NAV1: variants seen among roughly 807,000 people sequenced by gnomAD.
NAV1 encodes pore membrane and/or filament interacting like protein 3.
A neutral mutation model predicts 175.2 loss-of-function variants in NAV1; 18 were observed. The ratio of observed to expected loss-of-function variants is 0.10; its 90% CI spans 0.07 to 0.15. NAV1 has a LOEUF of 0.15. NAV1 is among the 10% of genes least tolerant of loss of function. NAV1 has a pLI of 1.00. For synonymous variants in NAV1, 897 were observed against 978.7 expected (o/e 0.92, Z 1.56); for missense variants, 1,731 against 2,436.6 (o/e 0.71, Z 6.10).
At chr1:201,634,639 A>G (rs1390966594) in intron 2 of NAV1, among the ~76,000 whole-genome samples, 1 of 152,198 alleles carries the variant, frequency 6.6e-6, no homozygotes, top group Non-Finnish European at 1.5e-5. Flanking sequence ...AGAGGAGTAC[A>G]GGAGGAGGGA....
chr1:201,606,268 G>A (rs648553), intron 2 of NAV1, among the ~76,000 whole-genome samples: 16,166 of 152,244 alleles, frequency 0.11, 946 homozygotes, highest in East Asian at 0.14. Context: ...TGCACATTGC[G>A]AAACCTCCTC....
At chr1:201,624,857 A>C (rs1368777297) in intron 1 of NAV1, among the ~76,000 whole-genome samples, 1 of 152,200 alleles carries the variant, frequency 6.6e-6, no homozygotes, top group Non-Finnish European at 1.5e-5. Context: ...AAGCTTGTAC[A>C]TCATCCCTTA....
chr1:201,641,285 C>T (rs1196373516), intron 2 of NAV1, among the ~76,000 whole-genome samples: 2 of 152,192 alleles, frequency 1.3e-5, no homozygotes, highest in Non-Finnish European at 2.9e-5. Flanking sequence ...CCACAGTCAC[C>T]GCCCAGTTCC....
rs191328308 is a variant in NAV1, at chr1:201,660,988, G to T, written c.757+11563G>T. ...AACCAATATGGCCTTATTGGTGCAT[G>T]CTTGTTGACTTGTTGACACTGTTAT... On this transcript the variant is annotated intron_variant, in intron 1 of 29. Coordinates refer to ENST00000367296, the Ensembl canonical transcript of NAV1. Among the ~76,000 whole-genome samples the T allele has an allele frequency of 6.0e-4, 92 of 152,304 alleles. 1 individual carries two copies. Among genetic ancestry groups the T allele is most frequent in the Non-Finnish European group, 1.1e-3 (76 of 68,012 alleles).
chr1:201,613,313 CA>C (rs1478075602), intron 2 of NAV1, among the ~76,000 whole-genome samples: 1 of 152,156 alleles, frequency 6.6e-6, no homozygotes, highest in African/African-American at 2.4e-5. Flanking sequence ...CCCCCGCCAC[CA>C]ACCCCATATA....
At chr1:201,629,349 G>C (rs568779250) in intron 1 of NAV1, 55 bp from the exon 4 acceptor site, 21 of 1,213,436 alleles carry the variant, frequency 1.7e-5, no homozygotes, top group Non-Finnish European at 2.1e-5. Flanking sequence ...CCATGGAGGG[G>C]CTTAGAGACC....
intron 1 of NAV1, among the ~76,000 whole-genome samples, chr1:201,699,113 T>C (rs1454439780): frequency 2.0e-5 from 3 of 152,174 alleles, no homozygotes; most frequent in African/African-American, 7.2e-5. Context: ...GAGAAATAAA[T>C]AAAGGGTATT....
intron 1 of NAV1, among the ~76,000 whole-genome samples, chr1:201,654,869 C>A (rs1669339022): frequency 6.6e-6 from 1 of 152,128 alleles, no homozygotes. Context: ...GGAAAGCACT[C>A]ATTATTAGAT....
chr1:201,704,258 C>G (rs1043930469), intron 1 of NAV1, among the ~76,000 whole-genome samples: 9 of 152,206 alleles, frequency 5.9e-5, no homozygotes, highest in African/African-American at 1.9e-4. Context: ...AGGAGCTGTG[C>G]TAAGCAGGAG....
chr1:201,670,578 G>T (rs1670002702), intron 1 of NAV1, among the ~76,000 whole-genome samples: 2 of 150,820 alleles, frequency 1.3e-5, no homozygotes, highest in East Asian at 3.9e-4. Context: ...GATGGTGATG[G>T]TTTGATGATA....
intron 3 of NAV1, among the ~76,000 whole-genome samples, chr1:201,755,305 G>A (rs769796040): frequency 1.3e-5 from 2 of 152,192 alleles, no homozygotes; most frequent in Non-Finnish European, 2.9e-5. Context: ...GCCAGGCATG[G>A]TGGCACAGGC....
intron 3 of NAV1, among the ~76,000 whole-genome samples, chr1:201,738,982 G>A (rs1463686323): frequency 6.6e-6 from 1 of 152,200 alleles, no homozygotes; most frequent in Non-Finnish European, 1.5e-5. Context: ...GGAAGCAAGG[G>A]TGAGGGCAGC....
intron 2 of NAV1, 56 bp downstream of exon 6, chr1:201,712,975 A>C: frequency 2.9e-6 from 4 of 1,375,106 alleles, no homozygotes; most frequent in Non-Finnish European, 4.2e-6. Flanking sequence ...TCTCCACCCC[A>C]TTCTGGAGGG....
At chr1:201,809,303 A>T (rs746481444) in intron 21 of NAV1, 42 bp downstream of exon 25, 4 of 1,604,724 alleles carry the variant, frequency 2.5e-6, no homozygotes, top group South Asian at 1.1e-5. Context: ...ATGAACAAAT[A>T]CTGTTACATT....
At chr1:201,598,908 G>A (rs115951481) in intron 2 of NAV1, among the ~76,000 whole-genome samples, 1,928 of 152,260 alleles carry the variant, frequency 0.013, 39 homozygotes, top group African/African-American at 0.044. Flanking sequence ...GCTATACAGA[G>A]GCCATGACAT....
At chr1:201,646,921 G>A (rs1279847529), upstream of NAV1, among the ~76,000 whole-genome samples, 1 of 152,220 alleles carries the variant, frequency 6.6e-6, no homozygotes, top group Non-Finnish European at 1.5e-5. Flanking sequence ...TGTTAGGAGA[G>A]TGTGTGAACC....
chr1:201,638,290 T>C (rs901525938), intron 2 of NAV1, among the ~76,000 whole-genome samples: 7 of 152,200 alleles, frequency 4.6e-5, no homozygotes, highest in Admixed American at 4.6e-4. Context: ...ACATAGGTCA[T>C]GGGGCTGAGC....
chr1:201,600,340 A>G (rs1667479783), intron 2 of NAV1, among the ~76,000 whole-genome samples: 1 of 152,194 alleles, frequency 6.6e-6, no homozygotes, highest in African/African-American at 2.4e-5. Context: ...AAAAGTGGAC[A>G]ATAACCCCAA....
At position 201,744,350 on chromosome 1, in the gene NAV1, A is replaced by C. The variant is rs977840451; in HGVS notation, c.1226+25595A>C. On this transcript the variant is annotated intron_variant, in intron 3 of 29. Coordinates refer to ENST00000367296, the Ensembl canonical transcript of NAV1. The stretch of plus-strand genomic sequence containing the variant: ...TATTTATTTATTTATTTATTTATTC[A>C]TTCATTCATTCAACAAACTCTAATG... 5.5e-4 allele frequency among the ~76,000 whole-genome samples: 84 copies of C among 151,866 alleles called. 1 individual carries two copies. The highest frequency in any genetic ancestry group is 1.3e-4 in the Non-Finnish European group (9 of 67,998).
Sources: allele counts gnomAD v4.1 joint callset (sites outside exome capture counted in the v4.1 genomes callset), GRCh38; gene constraint gnomAD v4.1.1; transcripts MANE v1.5; gene names NCBI Gene and HGNC (gene_info 2026-07-23, HGNC 2026-07-21).